Variants in ITCH observed in about 807,000 individuals in gnomAD.
The protein encoded by ITCH is E3 ubiquitin-protein ligase Itchy homolog.
A neutral mutation model predicts 126.8 loss-of-function variants in ITCH; 28 were observed. The ratio of observed to expected loss-of-function variants is 0.22; its 90% CI spans 0.16 to 0.30. ITCH has a LOEUF of 0.30. Among genes scored for constraint, ITCH ranks in the 10% least tolerant of loss-of-function variants. The pLI is 1.00. For synonymous variants in ITCH, 342 were observed against 340.0 expected (o/e 1.01, Z -0.06); for missense variants, 631 against 1,032.4 (o/e 0.61, Z 5.33).
At chr20:34,475,123 C>CT (rs561740342) in intron 16 of ITCH, among the ~76,000 whole-genome samples, 4 of 151,754 alleles carry the variant, frequency 2.6e-5, no homozygotes, top group African/African-American at 7.3e-5. Context: ...GCGCTCCTCA[C>CT]TCCTAGATGG....
intron 14 of ITCH, among the ~76,000 whole-genome samples, chr20:34,468,481 G>T (rs1987305722): frequency 6.6e-6 from 1 of 151,960 alleles, no homozygotes; most frequent in African/African-American, 2.4e-5. Flanking sequence ...TTCCTACCCA[G>T]TGCAGTGAGA....
intron 2 of ITCH, among the ~76,000 whole-genome samples, chr20:34,375,426 C>T (rs954349001): frequency 1.4e-5 from 2 of 147,406 alleles, no homozygotes; most frequent in African/African-American, 5.0e-5. Context: ...CATTCCACAA[C>T]ATGTACATAT....
chr20:34,468,299 G>A (rs924350425), intron 14 of ITCH, among the ~76,000 whole-genome samples: 4 of 151,560 alleles, frequency 2.6e-5, no homozygotes, highest in Non-Finnish European at 5.9e-5. Flanking sequence ...CTCCCAAAGT[G>A]CTGGGATTAC....
intron 16 of ITCH, among the ~76,000 whole-genome samples, chr20:34,474,787 G>T (rs1473658085): frequency 2.4e-5 from 1 of 41,444 alleles, no homozygotes; most frequent in Non-Finnish European, 5.9e-5. Flanking sequence ...CTGGCCGGGC[G>T]GGGGGGCTGA....
intron 2 of ITCH, among the ~76,000 whole-genome samples, chr20:34,388,220 C>T (rs1386242341): frequency 1.3e-5 from 2 of 151,712 alleles, no homozygotes; most frequent in African/African-American, 4.8e-5. Flanking sequence ...AGTTTGGCCT[C>T]CCATGTAGCT....
intron 3 of ITCH, among the ~76,000 whole-genome samples, chr20:34,396,029 ATTATTATT>A (rs2038661293): frequency 6.8e-6 from 1 of 146,668 alleles, no homozygotes; most frequent in African/African-American, 2.6e-5. Flanking sequence ...AATTATTATT[ATTATTATT>A]TTTTTTTTTT....
At chr20:34,492,459 T>C (rs1380465642) in intron 22 of ITCH, 42 bp from the exon 23 acceptor site, 6 of 1,169,890 alleles carry the variant, frequency 5.1e-6, no homozygotes, top group Non-Finnish European at 7.7e-6. Flanking sequence ...GTGCTGAATG[T>C]AACATATGAC....
Position 34,477,855 on chromosome 20 carries a change from A to T in ITCH, c.1653A>T (p.Val551=), listed in dbSNP as rs2146457415. 1.2e-6 allele frequency: 2 copies of T among 1,613,410 alleles called. No homozygotes were observed. The highest frequency in any genetic ancestry group is 1.7e-6 in the Non-Finnish European group (2 of 1,179,356). ...AAGAAGGTTTAGATTATGGAGGTGT[A>T]GCAAGGTAGTGATAATATGAATACT... is the stretch of plus-strand genomic sequence containing the variant. ...PGEEGLDYGG[V]AREWFFLLSH... Residue 551 remains valine, a synonymous_variant, in exon 17 of 25, where the codon GTA becomes GTT. Transcript: ENST00000374864.
At chr20:34,481,869 G>A (rs1037369245) in intron 20 of ITCH, among the ~76,000 whole-genome samples, 1 of 152,148 alleles carries the variant, frequency 6.6e-6, no homozygotes, top group Non-Finnish European at 1.5e-5. Context: ...AAATTAGCTG[G>A]GTGTGGTGGC....
At chr20:34,389,206 T>C (rs1295690014) in intron 2 of ITCH, among the ~76,000 whole-genome samples, 1 of 152,158 alleles carries the variant, frequency 6.6e-6, no homozygotes, top group African/African-American at 2.4e-5. Flanking sequence ...TAAATAGAAA[T>C]GAAGTCTCAC....
At chr20:34,500,137 A>ATTCTTGTC (rs1990158310) in intron 23 of ITCH, among the ~76,000 whole-genome samples, 1 of 152,218 alleles carries the variant, frequency 6.6e-6, no homozygotes, top group African/African-American at 2.4e-5. Context: ...TGCTGATGAC[A>ATTCTTGTC]AGAATGTGTA....
At position 34,440,150 on chromosome 20, in the gene ITCH, T is replaced by C; in HGVS notation, c.680-5T>C. 1 of 1,604,224 alleles carries C rather than the reference T, an allele frequency of 6.2e-7. No homozygotes were observed. Among genetic ancestry groups the C allele is most frequent in the Non-Finnish European group, 8.5e-7 (1 of 1,171,002 alleles). ...CTTTTCCTATTTTCCCCAAATCTTT[T>C]ATAGCATCTGTCAATGGTTCACCAT... On this transcript the variant is annotated splice_polypyrimidine_tract_variant and splice_region_variant and intron_variant, in intron 8 of 24. Coordinates refer to ENST00000374864, the MANE Select transcript of ITCH (RefSeq NM_031483.7).
At position 34,481,062 on chromosome 20, in the gene ITCH, G is replaced by T. The variant is rs764193909; in HGVS notation, c.1953-4G>T. The T allele has an allele frequency of 6.2e-7, 1 of 1,613,328 alleles. No homozygotes were observed. The highest frequency in any genetic ancestry group is 2.2e-5 in the East Asian group (1 of 44,726). The stretch of plus-strand genomic sequence containing the variant: ...AACAAATAGTGCTAATTTCATTTGT[G>T]CAGGGAAAACAATATTGAGGAATGT... On this transcript the variant is annotated splice_region_variant and splice_polypyrimidine_tract_variant and intron_variant, in intron 19 of 24. Coordinates refer to ENST00000374864, the MANE Select transcript of ITCH (RefSeq NM_031483.7).
At chr20:34,417,283 G>T in intron 6 of ITCH, 1 of 481,790 alleles carries the variant, frequency 2.1e-6, no homozygotes. Context: ...TTTTAGTAGA[G>T]ACAGGGTTTC....
chr20:34,481,669 A>ATG (rs1237632908), intron 20 of ITCH, among the ~76,000 whole-genome samples: 1 of 152,130 alleles, frequency 6.6e-6, no homozygotes, highest in Non-Finnish European at 1.5e-5. Flanking sequence ...TCTTACATGG[A>ATG]TGGCAGCAGG....
chr20:34,459,697 C>G (rs1160450861), intron 13 of ITCH, among the ~76,000 whole-genome samples: 1 of 152,190 alleles, frequency 6.6e-6, no homozygotes, highest in Non-Finnish European at 1.5e-5. Flanking sequence ...GATCATACCA[C>G]TGCATTCCAG....
intron 2 of ITCH, among the ~76,000 whole-genome samples, chr20:34,375,218 T>C (rs2037791073): frequency 6.6e-6 from 1 of 151,932 alleles, no homozygotes; most frequent in African/African-American, 2.4e-5. Flanking sequence ...ATTTTGTATT[T>C]TTAGCAGAGA....
At chr20:34,365,936 A>C (rs867830061) in intron 1 of ITCH, among the ~76,000 whole-genome samples, 2 of 152,286 alleles carry the variant, frequency 1.3e-5, no homozygotes, top group Middle Eastern at 3.4e-3. Flanking sequence ...CTGTAGACTT[A>C]CCAAGGAAAG....
Position 34,509,189 on chromosome 20 carries a change from C to CT in ITCH, c.*1396dup. The CT allele has an allele frequency of 6.6e-6, 1 of 152,624 alleles. No homozygotes were observed. Among genetic ancestry groups the CT allele is most frequent in the South Asian group, 2.1e-4 (1 of 4,826 alleles). The allele number at this position is 152,624 out of a possible 1,614,324, so 9.5% of individuals were successfully genotyped here. On this transcript the variant is annotated 3_prime_UTR_variant, in exon 25 of 25. Coordinates refer to ENST00000374864, the MANE Select transcript of ITCH (RefSeq NM_031483.7). ...TAACTGATTAATGCACTTTGAAGTT[C>CT]TCTGGAATTAATTATTTTAACTTGG... is the stretch of plus-strand genomic sequence containing the variant.
Sources: allele counts gnomAD v4.1 joint callset (sites outside exome capture counted in the v4.1 genomes callset), GRCh38; gene constraint gnomAD v4.1.1; transcripts MANE v1.5; gene names NCBI Gene and HGNC (gene_info 2026-07-23, HGNC 2026-07-21).